Variants in SHE observed in about 807,000 individuals in gnomAD.
SHE encodes the protein Src homology 2 domain containing E, also known as SH2 domain-containing adapter protein E.
In SHE, 11 loss-of-function variants were observed where a neutral mutation model predicts 49.8. The observed-to-expected ratio is 0.22, with a 90% confidence interval of 0.14 to 0.37. The LOEUF (loss-of-function observed/expected upper bound fraction) is 0.37, where lower values mean the gene tolerates loss of function less well. Among genes scored for constraint, SHE ranks in the 10% least tolerant of loss-of-function variants. The pLI is 1.00. For synonymous variants in SHE, 310 were observed against 278.1 expected (o/e 1.11, Z -1.14); for missense variants, 624 against 655.5 (o/e 0.95, Z 0.52).
At position 154,493,856 on chromosome 1, in the gene SHE, T is replaced by G. The variant is rs530143459; in HGVS notation, c.719-4500A>C. Reference sequence around the variant, plus strand: ...AGGTATACACCTGCTAGGTGTATTATGCCCAGAATCTCACTGATGCCTCAC... The same window carrying G: ...AGGTATACACCTGCTAGGTGTATTAGGCCCAGAATCTCACTGATGCCTCAC... On this transcript the variant is annotated intron_variant, in intron 2 of 5. Transcript: ENST00000304760. Among the ~76,000 whole-genome samples, 15 of 152,090 alleles carry G rather than the reference T, an allele frequency of 9.9e-5. No individual in the cohort carries two copies. The South Asian group carries it at 3.1e-3, about 32-fold the overall frequency.
intron 1 of SHE, among the ~76,000 whole-genome samples, chr1:154,474,430 A>G (rs1691827072): frequency 6.6e-6 from 1 of 152,186 alleles, no homozygotes; most frequent in Admixed American, 6.5e-5. Flanking sequence ...CACTGCATGA[A>G]TGGTTTGGTT....
In SHE at chr1:154,489,057, G is replaced by C. The variant is rs1375749786; in HGVS notation, c.1018C>G (p.Leu340Val). ...CCTGGCCTGGCGCCCTCACCTGACA[G>C]AGCCCGCACGATCTGCTCCTTCTTC... ...EWKKEQIVRA[L>V]SVQFEGAERP... Residue 340 changes from leucine to valine, a missense_variant, in exon 3 of 6, where the codon CTG becomes GTG. Around this residue, in one of 4 missense-constraint regions of SHE, gnomAD observed 155 missense variants for 142.0 expected, o/e 1.09. Transcript: ENST00000304760. The C allele has an allele frequency of 1.3e-6, 2 of 1,569,780 alleles. No homozygotes were observed. Among genetic ancestry groups the C allele is most frequent in the Non-Finnish European group, 1.7e-6 (2 of 1,156,000 alleles).
intron 1 of SHE, among the ~76,000 whole-genome samples, chr1:154,500,670 G>A (rs1018749926): frequency 6.6e-6 from 1 of 152,142 alleles, no homozygotes; most frequent in African/African-American, 2.4e-5. Context: ...AAGAATGGAG[G>A]GAGTCCCTTC....
At chr1:154,486,770 G>T in intron 3 of SHE, 87 bp from the exon 4 acceptor site, 2 of 1,484,390 alleles carry the variant, frequency 1.3e-6, no homozygotes, top group South Asian at 1.2e-5. Flanking sequence ...GCCTGCCTTG[G>T]CTCAGGAAAG....
rs1029698398 is a variant in SHE, at chr1:154,481,862, C to A, written c.*2287G>T. 4.4e-6 allele frequency: 4 copies of A among 914,072 alleles called. No homozygotes were observed. The highest frequency in any genetic ancestry group is 5.2e-6 in the Non-Finnish European group (4 of 765,104). 56.6% of individuals were successfully genotyped at this position (914,072 alleles called of 1,614,324 possible). On this transcript the variant is annotated 3_prime_UTR_variant, in exon 6 of 6. Coordinates refer to ENST00000304760, the MANE Select transcript of SHE (RefSeq NM_001010846.3). ...TTCCTTTTGGTTTTTTGTTTGCTTG[C>A]TTGTTGAGACAGGGTCTCACTCTGT...
rs1473771764 is a variant in SHE, at chr1:154,479,894, T to G, written c.*4255A>C. 3 of 985,486 alleles carry G rather than the reference T, an allele frequency of 3.0e-6. No homozygotes were observed. The highest frequency in any genetic ancestry group is 3.6e-6 in the Non-Finnish European group (3 of 829,940). 61.0% of individuals were successfully genotyped at this position (985,486 alleles called of 1,614,324 possible). Reference sequence around the variant, plus strand: ...CCGCAGGAAAGGGCATTTTTCAAGATGGCAACTGCTGTGTCATCATTTTCC... The same window carrying G: ...CCGCAGGAAAGGGCATTTTTCAAGAGGGCAACTGCTGTGTCATCATTTTCC... On this transcript the variant is annotated 3_prime_UTR_variant, in exon 6 of 6. Coordinates refer to ENST00000304760, the MANE Select transcript of SHE (RefSeq NM_001010846.3).
chr1:154,486,411 C>G, intron 4 of SHE, 116 bp downstream of exon 4: 1 of 1,412,930 alleles, frequency 7.1e-7, no homozygotes. Flanking sequence ...AAAACCCCAT[C>G]CAGGCAAGTG....
intron 4 of SHE, 47 bp downstream of exon 4, chr1:154,486,480 A>G (rs1692186012): frequency 6.2e-7 from 1 of 1,601,790 alleles, no homozygotes; most frequent in Non-Finnish European, 8.5e-7. Flanking sequence ...ACAAAGCTGT[A>G]AGCTCCCAGC....
At position 154,483,096 on chromosome 1, in the gene SHE, T is replaced by C. The variant is rs1392755982; in HGVS notation, c.*1053A>G. ...AAATTCAGAAATGAAATTTTTGTTG[T>C]ACCTTTTATTCTATAATTCAGAATT... On this transcript the variant is annotated 3_prime_UTR_variant, in exon 6 of 6. Coordinates refer to ENST00000304760, the MANE Select transcript of SHE (RefSeq NM_001010846.3). The C allele has an allele frequency of 4.1e-6, 4 of 984,896 alleles. No homozygotes were observed. The highest frequency in any genetic ancestry group is 3.5e-5 in the African/African-American group (2 of 57,246). The allele number at this position is 984,896 out of a possible 1,614,324, so 61.0% of individuals were successfully genotyped here.
At chr1:154,493,551 G>A (rs556759650) in intron 2 of SHE, among the ~76,000 whole-genome samples, 3 of 152,274 alleles carry the variant, frequency 2.0e-5, no homozygotes, top group Non-Finnish European at 4.4e-5. Flanking sequence ...TTGCAGCCTG[G>A]GGCTGAAGCT....
downstream of SHE, among the ~76,000 whole-genome samples, chr1:154,478,168 A>G (rs1169750576): frequency 1.3e-5 from 2 of 152,116 alleles, no homozygotes; most frequent in African/African-American, 4.8e-5. Context: ...GTAGCAAGAT[A>G]ATGAAGCACA....
downstream of SHE, among the ~76,000 whole-genome samples, chr1:154,478,445 A>C (rs72698160): frequency 0.13 from 18,563 of 144,734 alleles, 1,385 homozygotes; most frequent in South Asian, 0.17. Flanking sequence ...AAAAAAAAAA[A>C]AAACACTCTA....
At chr1:154,493,105 C>A (rs1337125945) in intron 2 of SHE, among the ~76,000 whole-genome samples, 1 of 152,232 alleles carries the variant, frequency 6.6e-6, no homozygotes, top group African/African-American at 2.4e-5. Flanking sequence ...TTTAGACAGT[C>A]TCCCCACACT....
intron 2 of SHE, among the ~76,000 whole-genome samples, chr1:154,493,972 C>T (rs560135924): frequency 2.2e-4 from 34 of 152,316 alleles, no homozygotes; most frequent in African/African-American, 7.7e-4. Flanking sequence ...CAATTATTAC[C>T]AACTCCAGAG....
intron 1 of SHE, among the ~76,000 whole-genome samples, chr1:154,471,889 G>A (rs1196916339): frequency 1.3e-5 from 2 of 152,150 alleles, no homozygotes; most frequent in African/African-American, 4.8e-5. Flanking sequence ...AATGTATCAA[G>A]AAGCCAGGTA....
Position 154,483,394 on chromosome 1 carries a change from C to G in SHE, c.*755G>C. ...TCATTCACATTTTCTCCCGCTCATT[C>G]ATTTCCCCAATAACGAGTCCAATAT... On this transcript the variant is annotated 3_prime_UTR_variant, in exon 6 of 6. Coordinates refer to ENST00000304760, the MANE Select transcript of SHE (RefSeq NM_001010846.3). 1.0e-6 allele frequency: 1 copy of G among 985,432 alleles called. No homozygotes were observed. Among genetic ancestry groups the G allele is most frequent in the Non-Finnish European group, 1.2e-6 (1 of 829,928 alleles). 61.0% of individuals were successfully genotyped at this position (985,432 alleles called of 1,614,324 possible).
At chr1:154,486,463 C>A (rs542601241) in intron 4 of SHE, 64 bp downstream of exon 4, 1 of 1,587,332 alleles carries the variant, frequency 6.3e-7, no homozygotes, top group East Asian at 2.2e-5. Context: ...CCAATGTGCT[C>A]CCTGATACAA....
intron 1 of SHE, among the ~76,000 whole-genome samples, chr1:154,471,906 C>T (rs1047742745): frequency 1.3e-5 from 2 of 152,220 alleles, no homozygotes; most frequent in African/African-American, 4.8e-5. Context: ...GGTACAGTGG[C>T]TCACGCCTGT....
At chr1:154,477,837 G>C (rs890648077), downstream of SHE, among the ~76,000 whole-genome samples, 2 of 143,830 alleles carry the variant, frequency 1.4e-5, no homozygotes, top group African/African-American at 5.1e-5. Context: ...GTTGCAGTGA[G>C]TTGAGATTGC....
Sources: allele counts gnomAD v4.1 joint callset (sites outside exome capture counted in the v4.1 genomes callset), GRCh38; gene constraint gnomAD v4.1.1; regional missense constraint gnomAD v4.1.1; transcripts MANE v1.5; gene names NCBI Gene and HGNC (gene_info 2026-07-23, HGNC 2026-07-21).